BST1: variants seen among roughly 807,000 people sequenced by gnomAD.
BST1 encodes the protein ADP-ribosyl cyclase/cyclic ADP-ribose hydrolase 2.
A neutral mutation model predicts 40.6 loss-of-function variants in BST1; 49 were observed. The ratio of observed to expected loss-of-function variants is 1.21; its 90% confidence interval spans 0.96 to 1.53. BST1 has a LOEUF of 1.53. Among genes scored for constraint, BST1 ranks in the 40% most tolerant of loss-of-function variants. The probability of loss-of-function intolerance (pLI) is 0.00; values close to 1 mark genes in which losing one functional copy is unlikely to be tolerated. For missense variants in BST1, 423 were observed against 395.9 expected (o/e 1.07, Z -0.58); for synonymous variants, 157 against 159.3 (o/e 0.99, Z 0.11).
intron 1 of BST1, chr4:15,704,788 G>A (rs1428363807): frequency 3.0e-6 from 2 of 674,024 alleles, no homozygotes; most frequent in African/African-American, 1.8e-5. Flanking sequence ...TAAATCTGGA[G>A]GATTTCTGAA....
At chr4:15,705,982 G>A (rs1352797798) in intron 2 of BST1, among the ~76,000 whole-genome samples, 1 of 152,222 alleles carries the variant, frequency 6.6e-6, no homozygotes, top group African/African-American at 2.4e-5. Context: ...CAAAGTGGGA[G>A]CAGGTGTCTT....
At chr4:15,725,457 A>G (rs1257236224) in intron 8 of BST1, among the ~76,000 whole-genome samples, 3 of 152,126 alleles carry the variant, frequency 2.0e-5, no homozygotes, top group Non-Finnish European at 4.4e-5. Context: ...CTTTCACAGG[A>G]GGTAAAGGAT....
At chr4:15,712,751 A>G (rs1308326954) in intron 4 of BST1, among the ~76,000 whole-genome samples, 3 of 152,168 alleles carry the variant, frequency 2.0e-5, no homozygotes, top group African/African-American at 7.2e-5. Context: ...GATAAAACAT[A>G]TTCTGTTTAT....
rs535778341 is a variant in BST1 at position 15,723,490 on chromosome 4, C to T, written c.851+556C>T. 234 of 901,150 alleles carry T rather than the reference C, an allele frequency of 2.6e-4. No individual in the cohort carries two copies. In the African/African-American group the frequency reaches 3.0e-3, roughly 12 times the overall value. The allele number at this position is 901,150 out of a possible 1,614,324, so 55.8% of individuals were successfully genotyped here. A position where few individuals can be genotyped will look rare whatever the true frequency, so the allele number is the denominator to read the frequency against. On this transcript the variant is annotated intron_variant, in intron 8 of 8. Transcript: ENST00000265016. ...GTCTCGATCTCCTGGCCTTGTGATCCGCCTTCCTTGGCCTCCTAAAGTGCT... is the reference window on the plus strand; with the variant it reads ...GTCTCGATCTCCTGGCCTTGTGATCTGCCTTCCTTGGCCTCCTAAAGTGCT...
At chr4:15,763,231 T>C in the BST1 span, among the ~76,000 whole-genome samples, 1 of 151,898 alleles carries the variant, frequency 6.6e-6, no homozygotes, top group Admixed American at 6.6e-5. Flanking sequence ...ATTAAAATGC[T>C]ATTTCAGAAG....
chr4:15,724,704 AAGAGAGAG>A (rs57896911), intron 8 of BST1, among the ~76,000 whole-genome samples: 4 of 150,566 alleles, frequency 2.7e-5, no homozygotes, highest in Middle Eastern at 3.4e-3. Flanking sequence ...AAAATAAAAT[AAGAGAGAG>A]AGAGAGAGAG....
intron 3 of BST1, among the ~76,000 whole-genome samples, 173 bp downstream of exon 3, chr4:15,707,819 G>T: frequency 7.0e-6 from 1 of 142,270 alleles, no homozygotes. Context: ...TAACTTTGCA[G>T]GTGCCAGTCT....
At chr4:15,706,689 A>G (rs1719895408) in intron 2 of BST1, among the ~76,000 whole-genome samples, 1 of 152,236 alleles carries the variant, frequency 6.6e-6, no homozygotes, top group South Asian at 2.1e-4. Context: ...CAAAGATAGA[A>G]TAGACTGAAA....
At chr4:15,756,281 G>T in the BST1 span, among the ~76,000 whole-genome samples, 1 of 152,170 alleles carries the variant, frequency 6.6e-6, no homozygotes, top group Non-Finnish European at 1.5e-5. Context: ...AACAGATTAT[G>T]CAGTAAAACT....
chr4:15,709,884 T>A (rs1720096987), intron 3 of BST1, among the ~76,000 whole-genome samples: 1 of 152,160 alleles, frequency 6.6e-6, no homozygotes, highest in Non-Finnish European at 1.5e-5. Flanking sequence ...TCTATGTAAA[T>A]AAACACAGAA....
chr4:15,728,191 C>G (rs1721206975), intron 8 of BST1, among the ~76,000 whole-genome samples: 1 of 152,012 alleles, frequency 6.6e-6, no homozygotes, highest in South Asian at 2.1e-4. Context: ...GCCACAGAGA[C>G]AGGACTACTC....
chr4:15,749,397 T>C, the BST1 span, among the ~76,000 whole-genome samples: 1 of 152,198 alleles, frequency 6.6e-6, no homozygotes, highest in African/African-American at 2.4e-5. Flanking sequence ...TTGTTGTTGT[T>C]GTCGTTGTTG....
chr4:15,764,005 T>C, the BST1 span, among the ~76,000 whole-genome samples: 4 of 152,054 alleles, frequency 2.6e-5, no homozygotes, highest in African/African-American at 9.7e-5. Context: ...TGTTGAAACC[T>C]CTAGAATGTA....
the BST1 span, among the ~76,000 whole-genome samples, chr4:15,751,590 A>C: frequency 1.3e-5 from 2 of 152,094 alleles, no homozygotes; most frequent in Admixed American, 6.5e-5. Flanking sequence ...TTGTGTATAC[A>C]GTGTATATAG....
chr4:15,716,355 G>A (rs1720514863), intron 6 of BST1, among the ~76,000 whole-genome samples: 1 of 152,216 alleles, frequency 6.6e-6, no homozygotes, highest in Non-Finnish European at 1.5e-5. Flanking sequence ...AGATAAAAAA[G>A]TTAAACTGAT....
chr4:15,734,801 G>A (rs897864696), downstream of BST1, among the ~76,000 whole-genome samples: 2 of 152,182 alleles, frequency 1.3e-5, no homozygotes, highest in African/African-American at 2.4e-5. Context: ...CCAAAAAACA[G>A]TAGACATCAC....
chr4:15,723,727 ATGTG>A (rs770499531), intron 8 of BST1: 200 of 635,744 alleles, frequency 3.1e-4, no homozygotes, highest in Non-Finnish European at 3.7e-4. Context: ...GAGTCAAAGA[ATGTG>A]TGTGTATTTT....
chr4:15,713,662 G>A (rs887935912), intron 4 of BST1, among the ~76,000 whole-genome samples: 4 of 152,022 alleles, frequency 2.6e-5, no homozygotes, highest in Non-Finnish European at 5.9e-5. Flanking sequence ...TTTCAACCAC[G>A]ACGTTATACA....
Position 15,715,717 on chromosome 4 carries a change from G to C in BST1, c.622G>C (p.Asp208His). 1 of 1,593,418 alleles carries C rather than the reference G, an allele frequency of 6.3e-7. No homozygotes were observed. The highest frequency in any genetic ancestry group is 8.5e-7 in the Non-Finnish European group (1 of 1,171,752). ...GAYPIKGFFA[D>H]YEIPNLQKEK... ...AGAAATGTTTCTCAGTTTTTTTGCA[G>C]ATTATGAAATTCCAAACCTCCAGAA... The change falls in exon 6 of 9, where the codon GAT (aspartate) becomes CAT (histidine). Residue 208 changes from aspartate (D) to histidine (H), a missense_variant. Coordinates refer to ENST00000265016, the MANE Select transcript of BST1 (RefSeq NM_004334.3).
Sources: gnomAD v4.1 joint callset for allele counts (sites outside exome capture counted in the v4.1 genomes callset) on GRCh38, gnomAD v4.1.1 for gene constraint, MANE v1.5 for transcripts, NCBI Gene and HGNC (gene_info 2026-07-23, HGNC 2026-07-21) for gene names.